The following RNF38 variants were observed in gnomAD, a reference collection of about 807,000 sequenced individuals.
RNF38 encodes the protein E3 ubiquitin-protein ligase RNF38.
RNF38 carries 15 observed loss-of-function variants against 67.2 expected under a neutral mutation model. The ratio of observed to expected loss-of-function variants is 0.22; its 90% confidence interval spans 0.15 to 0.34. RNF38 has a LOEUF of 0.34. Ranked by LOEUF, RNF38 falls within the 10% of genes least tolerant of loss-of-function variation. RNF38 has a pLI of 1.00. For missense variants in RNF38, 524 were observed against 639.9 expected, an observed-to-expected ratio of 0.82 and a Z score of 1.95; for synonymous variants, 220 against 218.8, an observed-to-expected ratio of 1.01 and a Z score of -0.05.
intron 1 of RNF38, among the ~76,000 whole-genome samples, chr9:36,434,410 G>C (rs1456256076): frequency 6.6e-6 from 1 of 151,760 alleles, no homozygotes; most frequent in Non-Finnish European, 1.5e-5. Context: ...TTGAGATGGA[G>C]TTTTGCTCTT....
intron 9 of RNF38, among the ~76,000 whole-genome samples, chr9:36,348,683 G>A (rs534854996): frequency 5.3e-5 from 8 of 152,212 alleles, no homozygotes; most frequent in Non-Finnish European, 7.3e-5. Context: ...TGAGGAAGCT[G>A]CAGAAGAAAA....
intron 4 of RNF38, among the ~76,000 whole-genome samples, chr9:36,358,957 G>A (rs1021729227): frequency 3.9e-5 from 6 of 152,188 alleles, no homozygotes; most frequent in African/African-American, 1.4e-4. Flanking sequence ...GTTGCAGTGA[G>A]CTGAGATCGC....
At chr9:36,486,055 A>C (rs1587230976) in intron 1 of RNF38, among the ~76,000 whole-genome samples, 1 of 152,074 alleles carries the variant, frequency 6.6e-6, no homozygotes, top group Non-Finnish European at 1.5e-5. Context: ...GAAACATCCC[A>C]ATCTTTTTCT....
At position 36,337,068 on chromosome 9, in the gene RNF38, A is replaced by T. The variant is rs957149226; in HGVS notation, c.*2684T>A. Reference sequence around the variant, plus strand: ...ACCCACAGCTGAGTTAAGATGGTAAAGCCAATATTATTTTAGGAGGAAAGA... The same window carrying T: ...ACCCACAGCTGAGTTAAGATGGTAATGCCAATATTATTTTAGGAGGAAAGA... On this transcript the variant is annotated 3_prime_UTR_variant, in exon 12 of 12. Transcript: ENST00000259605. 6.6e-6 allele frequency: 1 copy of T among 152,244 alleles called. No homozygotes were observed. The highest frequency in any genetic ancestry group is 2.4e-5 in the African/African-American group (1 of 41,468). The allele number at this position is 152,244 out of a possible 1,614,324, so 9.4% of individuals were successfully genotyped here. A position where few individuals can be genotyped will look rare whatever the true frequency, so the allele number is the denominator to read the frequency against.
intron 2 of RNF38, among the ~76,000 whole-genome samples, chr9:36,377,318 T>TA (rs1835862637): frequency 6.6e-6 from 1 of 152,284 alleles, no homozygotes; most frequent in Non-Finnish European, 1.5e-5. Flanking sequence ...GCAGCTACCA[T>TA]AAAAATCATC....
chr9:36,343,975 G>A (rs182598310), intron 10 of RNF38, among the ~76,000 whole-genome samples: 3 of 152,190 alleles, frequency 2.0e-5, no homozygotes, highest in Admixed American at 1.3e-4. Flanking sequence ...TAGTTACACA[G>A]CTCTATGAAT....
intron 2 of RNF38, among the ~76,000 whole-genome samples, chr9:36,387,195 T>TTAGGGCC (rs1483788855): frequency 6.6e-6 from 1 of 152,188 alleles, no homozygotes. Flanking sequence ...CCAGCAGGCC[T>TTAGGGCC]TAGGGCTGCT....
In RNF38 at chr9:36,356,490, T is replaced by TACA; in HGVS notation, c.739-20_739-18dup. 1 of 1,533,776 alleles carries TACA rather than the reference T, an allele frequency of 6.5e-7. No individual in the cohort carries two copies. The highest frequency in any genetic ancestry group is 1.4e-5 in the African/African-American group (1 of 71,458). On this transcript the variant is annotated splice_polypyrimidine_tract_variant and intron_variant, in intron 5 of 11. Coordinates refer to ENST00000259605, the MANE Select transcript of RNF38 (RefSeq NM_022781.5). ...CTGAAGCATCTGTAAGAGAAACCAT[T>TACA]ACAGTTTGGTTAAAAATATCAGAAT...
intron 1 of RNF38, among the ~76,000 whole-genome samples, chr9:36,397,085 A>G (rs1476037471): frequency 5.0e-4 from 67 of 132,980 alleles, no homozygotes; most frequent in Admixed American, 2.3e-3. Flanking sequence ...GTGTGTGTAT[A>G]TATATATATA....
intron 1 of RNF38, among the ~76,000 whole-genome samples, chr9:36,451,526 G>A (rs895814829): frequency 9.0e-6 from 1 of 111,078 alleles, no homozygotes; most frequent in Non-Finnish European, 1.7e-5. Context: ...TTGAGACGGA[G>A]TTTCGCTTTT....
At chr9:36,401,449 C>T (rs1436307836), upstream of RNF38, among the ~76,000 whole-genome samples, 1 of 152,214 alleles carries the variant, frequency 6.6e-6, no homozygotes, top group Non-Finnish European at 1.5e-5. Flanking sequence ...GTTCTTACAG[C>T]ATAAATGCAT....
chr9:36,369,660 AAT>A, intron 4 of RNF38, 57 bp downstream of exon 4: 4 of 1,397,474 alleles, frequency 2.9e-6, no homozygotes, highest in Non-Finnish European at 3.9e-6. Flanking sequence ...AAAAAAAAAA[AAT>A]CTCAAACTGC....
intron 2 of RNF38, among the ~76,000 whole-genome samples, chr9:36,386,897 G>A (rs1464798567): frequency 6.6e-6 from 1 of 152,182 alleles, no homozygotes. Flanking sequence ...CTGCCTCCCG[G>A]ATTCAAGCGA....
upstream of RNF38, among the ~76,000 whole-genome samples, chr9:36,405,817 T>G (rs533533454): frequency 2.0e-5 from 3 of 152,350 alleles, 1 homozygote; most frequent in African/African-American, 7.2e-5. Flanking sequence ...ATTTGAAGGG[T>G]ACCGTTGCTA....
Position 36,409,316 on chromosome 9 carries a change from A to AG in RNF38, n.312+15296_312+15297insC, listed in dbSNP as rs1564051463. 2.2e-5 allele frequency among the ~76,000 whole-genome samples: 3 copies of AG among 138,250 alleles called. No individual in the cohort carries two copies. The East Asian group carries it at 5.8e-4, about 27-fold the overall frequency. The allele number at this position is 138,250 out of a possible 152,430, so 90.7% of individuals were successfully genotyped here. On this transcript the variant is annotated intron_variant and non_coding_transcript_variant, in intron 2 of 3. Transcript: ENST00000488058. ...GAAAGAGAGAGAAAGAAAAAGAAAG[A>AG]AAGAAAGAAAAAGAAAGAAAGAAAG...
chr9:36,362,159 C>A (rs944337515), intron 4 of RNF38, among the ~76,000 whole-genome samples: 4 of 152,070 alleles, frequency 2.6e-5, no homozygotes, highest in Non-Finnish European at 5.9e-5. Context: ...GAGTTTGAGA[C>A]CAGCCTGGTC....
Position 36,364,418 on chromosome 9 carries a change from T to C in RNF38, c.570+5301A>G, listed in dbSNP as rs535140587. Among the ~76,000 whole-genome samples, 3 of 152,270 alleles carry C rather than the reference T, an allele frequency of 2.0e-5. 1 individual carries two copies. Among genetic ancestry groups the C allele is most frequent in the African/African-American group, 7.2e-5 (3 of 41,552 alleles). The stretch of plus-strand genomic sequence containing the variant: ...CATTATATGTGTATTTTCAACAGTG[T>C]AGAGGGTTGGTACCTCTAACCCCTG... On this transcript the variant is annotated intron_variant, in intron 4 of 11. Coordinates refer to ENST00000259605, the MANE Select transcript of RNF38 (RefSeq NM_022781.5).
chr9:36,471,290 C>G (rs1240475346), intron 1 of RNF38, among the ~76,000 whole-genome samples: 1 of 152,152 alleles, frequency 6.6e-6, no homozygotes, highest in Non-Finnish European at 1.5e-5. Context: ...AATTTAATAA[C>G]TTTTCTTCCA....
chr9:36,485,244 A>G (rs561381239), intron 1 of RNF38, among the ~76,000 whole-genome samples: 1 of 152,042 alleles, frequency 6.6e-6, no homozygotes, highest in South Asian at 2.1e-4. Context: ...AGCTGGAATG[A>G]GCATTCTTGT....
Sources: gnomAD v4.1 joint callset for allele counts (sites outside exome capture counted in the v4.1 genomes callset) on GRCh38, gnomAD v4.1.1 for gene constraint, MANE v1.5 for transcripts, NCBI Gene and HGNC (gene_info 2026-07-23, HGNC 2026-07-21) for gene names.